FANCB: variants seen among roughly 807,000 people sequenced by gnomAD.
FANCB encodes FA complementation group B, also known as Fanconi anemia group B protein.
Under a neutral mutation model 38.9 loss-of-function variants are expected in FANCB, and 5 were observed. The observed-to-expected ratio is 0.13, with a 90% CI of 0.07 to 0.27. FANCB has a LOEUF of 0.27. Ranked by LOEUF, FANCB falls within the 10% of genes least tolerant of loss-of-function variation. The pLI is 1.00. For missense variants in FANCB, 573 were observed against 602.7 expected, an observed-to-expected ratio of 0.95 and a Z score of 0.52; for synonymous variants, 236 against 215.4, an observed-to-expected ratio of 1.10 and a Z score of -0.84.
chrX:14,864,083 C>T (rs1481282360), intron 3 of FANCB, among the ~76,000 whole-genome samples: 2 of 110,289 alleles, frequency 1.8e-5, no homozygotes, highest in Non-Finnish European at 3.8e-5. Flanking sequence ...TGCAGTGAGC[C>T]GAGATCACGC....
the FANCB span, among the ~76,000 whole-genome samples, chrX:14,812,745 A>T: frequency 9.1e-6 from 1 of 110,383 alleles, no homozygotes; most frequent in African/African-American, 3.3e-5. Context: ...TACAAGGAGG[A>T]ACTGGTACCA....
chrX:14,740,936 T>C, the FANCB span, among the ~76,000 whole-genome samples: 1 of 105,508 alleles, frequency 9.5e-6, no homozygotes, highest in African/African-American at 3.7e-5. Context: ...GTGTTTATTC[T>C]CTTTCTCTAA....
chrX:14,714,409 A>T, the FANCB span, among the ~76,000 whole-genome samples: 2 of 111,800 alleles, frequency 1.8e-5, no homozygotes, highest in African/African-American at 6.5e-5. Flanking sequence ...CCCAAGTATC[A>T]ATATTCCTGC....
the FANCB span, among the ~76,000 whole-genome samples, chrX:14,743,338 A>G: frequency 9.0e-6 from 1 of 111,567 alleles, no homozygotes; most frequent in African/African-American, 3.3e-5. Context: ...TATTCCATGG[A>G]TGAGAAAACT....
the FANCB span, among the ~76,000 whole-genome samples, chrX:14,713,424 G>A: frequency 8.9e-6 from 1 of 112,017 alleles, no homozygotes; most frequent in African/African-American, 3.2e-5. Flanking sequence ...ATTTCCATAT[G>A]CAAGGCATTG....
chrX:14,752,170 CT>C, the FANCB span, among the ~76,000 whole-genome samples: 1 of 111,780 alleles, frequency 8.9e-6, no homozygotes, highest in Admixed American at 9.5e-5. Flanking sequence ...ACCAATAAGA[CT>C]TTCAATATCA....
the FANCB span, among the ~76,000 whole-genome samples, chrX:14,829,274 T>C: frequency 9.0e-6 from 1 of 111,522 alleles, no homozygotes; most frequent in Non-Finnish European, 1.9e-5. Context: ...TGTAAGAAGA[T>C]GTGCTGTCAC....
chrX:14,713,839 C>A, the FANCB span, among the ~76,000 whole-genome samples: 3 of 111,070 alleles, frequency 2.7e-5, no homozygotes, highest in East Asian at 8.5e-4. Context: ...TGAGGAGAAC[C>A]ACTGGAGAGT....
chrX:14,821,523 AATAGTTAAGACAT>A, the FANCB span, among the ~76,000 whole-genome samples: 1 of 112,460 alleles, frequency 8.9e-6, no homozygotes, highest in Non-Finnish European at 1.9e-5. Context: ...ACAGCTGACA[AATAGTTAAGACAT>A]ATGACATGAC....
At chrX:14,699,205 GT>G in the FANCB span, among the ~76,000 whole-genome samples, 1 of 111,987 alleles carries the variant, frequency 8.9e-6, no homozygotes, top group Non-Finnish European at 1.9e-5. Flanking sequence ...ACCATGTGAA[GT>G]TATAACAACT....
chrX:14,696,437 G>T, the FANCB span, among the ~76,000 whole-genome samples: 1 of 111,694 alleles, frequency 9.0e-6, no homozygotes. Flanking sequence ...TGTGACTAAG[G>T]TTGGGTTGAG....
the FANCB span, among the ~76,000 whole-genome samples, chrX:14,802,240 A>C: frequency 2.7e-5 from 3 of 111,632 alleles, no homozygotes; most frequent in Middle Eastern, 4.6e-3. Flanking sequence ...CACTTCAGGT[A>C]GAGAAAAAAA....
the FANCB span, among the ~76,000 whole-genome samples, chrX:14,701,262 G>A: frequency 9.0e-6 from 1 of 111,161 alleles, no homozygotes; most frequent in African/African-American, 3.3e-5. Flanking sequence ...GGATATGTAG[G>A]GGCATCAATG....
chrX:14,867,292 AG>A (rs2092473682), intron 2 of FANCB, among the ~76,000 whole-genome samples: 1 of 112,034 alleles, frequency 8.9e-6, no homozygotes, highest in South Asian at 3.7e-4. Flanking sequence ...CTGAGCAAAA[AG>A]AATGAACCTA....
At chrX:14,803,140 C>A in the FANCB span, among the ~76,000 whole-genome samples, 2 of 112,219 alleles carry the variant, frequency 1.8e-5, no homozygotes, top group African/African-American at 6.5e-5. Flanking sequence ...TGAACAAATT[C>A]TTGTCATTCC....
chrX:14,799,382 A>G, the FANCB span, among the ~76,000 whole-genome samples: 1 of 112,176 alleles, frequency 8.9e-6, no homozygotes, highest in African/African-American at 3.2e-5. Context: ...GACCTCCTCT[A>G]GCCCACCAGT....
downstream of FANCB, among the ~76,000 whole-genome samples, chrX:14,842,078 T>C (rs766107875): frequency 2.9e-4 from 32 of 111,849 alleles, 1 homozygote; most frequent in South Asian, 5.2e-3. Context: ...GAACATGTCA[T>C]GGGCAGTTTC....
At chrX:14,775,457 G>A in the FANCB span, among the ~76,000 whole-genome samples, 2 of 111,695 alleles carry the variant, frequency 1.8e-5, no homozygotes, top group Non-Finnish European at 3.8e-5. Context: ...GTAAGGGCAG[G>A]AGGATAGCTA....
Position 14,857,279 on chromosome X carries a change from C to T in FANCB, c.1197+583G>A, listed in dbSNP as rs147992574. Among the ~76,000 whole-genome samples the T allele has an allele frequency of 3.2e-4, 36 of 112,148 alleles. No homozygotes were observed. The East Asian group carries it at 8.9e-3, about 28-fold the overall frequency. On this transcript the variant is annotated intron_variant, in intron 5 of 9. Coordinates refer to ENST00000650831, the MANE Select transcript of FANCB (RefSeq NM_001018113.3). ...CTTATAATCACATTTCTATGTAATG[C>T]GTATATTCATTTAAAAATCTGCAAG...
Sources: gnomAD v4.1 joint callset for allele counts (sites outside exome capture counted in the v4.1 genomes callset) on GRCh38, gnomAD v4.1.1 for gene constraint, MANE v1.5 for transcripts, NCBI Gene and HGNC (gene_info 2026-07-23, HGNC 2026-07-21) for gene names.